Variants in NAV2 observed in about 807,000 individuals in gnomAD.
NAV2 encodes helicase, APC down-regulated 1.
A neutral mutation model predicts 223.2 loss-of-function variants in NAV2; 54 were observed. The ratio of observed to expected loss-of-function variants is 0.24; its 90% CI spans 0.19 to 0.30. The LOEUF (loss-of-function observed/expected upper bound fraction) is 0.30, where lower values mean the gene tolerates loss of function less well. Among genes scored for constraint, NAV2 ranks in the 10% least tolerant of loss-of-function variants. The pLI is 1.00. For missense variants in NAV2, 2,806 were observed against 3,147.5 expected (o/e 0.89, Z 2.60); for synonymous variants, 1,279 against 1,239.3 (o/e 1.03, Z -0.67).
At chr11:20,002,435 G>A (rs564140399) in intron 11 of NAV2, among the ~76,000 whole-genome samples, 1 of 152,250 alleles carries the variant, frequency 6.6e-6, no homozygotes, top group East Asian at 1.9e-4. Flanking sequence ...GCGCAGTCAG[G>A]GAGATGTCAG....
intron 1 of NAV2, among the ~76,000 whole-genome samples, chr11:19,647,314 A>T (rs1046468402): frequency 6.6e-6 from 1 of 152,164 alleles, no homozygotes; most frequent in African/African-American, 2.4e-5. Flanking sequence ...ACTGTGGAGT[A>T]GTCCTCAGAT....
At chr11:19,727,390 G>C (rs533848047) in intron 1 of NAV2, among the ~76,000 whole-genome samples, 3 of 152,324 alleles carry the variant, frequency 2.0e-5, no homozygotes, top group Admixed American at 2.0e-4. Flanking sequence ...GTCCTTTGCT[G>C]TTTGGAAATC....
intron 1 of NAV2, among the ~76,000 whole-genome samples, chr11:19,398,851 A>C (rs1446489515): frequency 6.6e-6 from 1 of 152,136 alleles, no homozygotes; most frequent in African/African-American, 2.4e-5. Context: ...TGGGTGCACA[A>C]CATTTTTGGA....
At chr11:19,400,260 A>C (rs11025119) in intron 1 of NAV2, among the ~76,000 whole-genome samples, 2 of 152,054 alleles carry the variant, frequency 1.3e-5, no homozygotes, top group Non-Finnish European at 2.9e-5. Flanking sequence ...CACAAGGAAG[A>C]GGAAGATACA....
intron 1 of NAV2, among the ~76,000 whole-genome samples, chr11:19,488,306 G>C (rs2095092312): frequency 6.6e-6 from 1 of 152,198 alleles, no homozygotes; most frequent in African/African-American, 2.4e-5. Flanking sequence ...GTTATAACTA[G>C]CTTTATTAGT....
In NAV2 at chr11:19,631,665, T is replaced by A. The variant is rs550400611; in HGVS notation, c.76-200819T>A. ...TCAGTGTTTTAAGGAGAGACTTGCA[T>A]TCAAAGCTGATGAAAGCAAACCCCC... On this transcript the variant is annotated intron_variant, in intron 1 of 37. Coordinates refer to the NAV2 transcript ENST00000360655. Among the ~76,000 whole-genome samples the A allele has an allele frequency of 1.6e-4, 24 of 152,328 alleles. No individual in the cohort carries two copies. The South Asian group carries it at 1.7e-3, about 11-fold the overall frequency.
At position 20,044,099 on chromosome 11, in the gene NAV2, G is replaced by T. The variant is rs774483029; in HGVS notation, c.3026G>T (p.Arg1009Met). 3.1e-6 allele frequency: 5 copies of T among 1,614,104 alleles called. No homozygotes were observed. The South Asian group carries it at 5.5e-5, about 18-fold the overall frequency. The change falls in exon 13 of 38, where the codon AGG (arginine) becomes ATG (methionine). Residue 1009 changes from arginine to methionine, a missense_variant. Coordinates refer to ENST00000349880, the MANE Select transcript of NAV2 (RefSeq NM_145117.5). The stretch of plus-strand genomic sequence containing the variant: ...AAAATGGAGCCAGGTTCCAAGTGGA[G>T]GCGGAATCCTTCTGATGTGTCTGAC... ...GIKMEPGSKW[R>M]RNPSDVSDES...
chr11:19,828,455 T>C (rs111951204), intron 1 of NAV2, among the ~76,000 whole-genome samples: 4,544 of 152,178 alleles, frequency 0.03, 97 homozygotes, highest in African/African-American at 0.1. Flanking sequence ...TCCTTTTGTA[T>C]CTGGCTTATT....
intron 1 of NAV2, among the ~76,000 whole-genome samples, chr11:19,639,422 T>C (rs1323224384): frequency 1.3e-5 from 2 of 152,248 alleles, no homozygotes; most frequent in Non-Finnish European, 2.9e-5. Flanking sequence ...TAACTATTTT[T>C]AAGTTCCCAA....
At chr11:20,048,375 G>T (rs189389306) in intron 14 of NAV2, among the ~76,000 whole-genome samples, 197 of 152,238 alleles carry the variant, frequency 1.3e-3, no homozygotes, top group Middle Eastern at 0.01. Context: ...CATCTTCCTG[G>T]GCCAGGGCAG....
chr11:19,361,164 G>A (rs1306602121), intron 1 of NAV2, among the ~76,000 whole-genome samples: 1 of 149,574 alleles, frequency 6.7e-6, no homozygotes, highest in African/African-American at 2.4e-5. Flanking sequence ...GATAAAATGA[G>A]TAAAGTACTT....
intron 25 of NAV2, chr11:20,082,470 T>C: frequency 1.1e-6 from 1 of 892,296 alleles, no homozygotes; most frequent in East Asian, 2.4e-5. Context: ...CTGTGTGTGG[T>C]GTTTATTATT....
At chr11:19,946,057 A>G (rs1209774119) in intron 8 of NAV2, among the ~76,000 whole-genome samples, 1 of 152,244 alleles carries the variant, frequency 6.6e-6, no homozygotes, top group Non-Finnish European at 1.5e-5. Context: ...TTGCATGGGT[A>G]GAAAATGACT....
At chr11:20,003,529 C>G (rs1160362042) in intron 11 of NAV2, among the ~76,000 whole-genome samples, 1 of 152,138 alleles carries the variant, frequency 6.6e-6, no homozygotes, top group African/African-American at 2.4e-5. Flanking sequence ...GTAAATGACT[C>G]AGCGTGCCAG....
chr11:20,007,650 G>A (rs563656306), intron 11 of NAV2, among the ~76,000 whole-genome samples: 2 of 152,360 alleles, frequency 1.3e-5, no homozygotes, highest in East Asian at 3.9e-4. Flanking sequence ...GGGGACAAAA[G>A]CCAGCCCTTG....
rs533629223 is a variant in NAV2, at chr11:19,606,208, C to A, written c.76-226276C>A. ...CCTTTGTTTGGCTGTGAAGACTCTG[C>A]AAAGCCTGAGCCTACTTACTGGTTT... On this transcript the variant is annotated intron_variant, in intron 1 of 37. Transcript: ENST00000360655. 2.5e-4 allele frequency among the ~76,000 whole-genome samples: 38 copies of A among 152,324 alleles called. No individual in the cohort carries two copies. In the South Asian group the frequency reaches 7.9e-3, roughly 32 times the overall value.
Position 20,103,250 on chromosome 11 carries a change from C to T in NAV2, c.6418-5C>T. 2 of 1,610,142 alleles carry T rather than the reference C, an allele frequency of 1.2e-6. No homozygotes were observed. Among genetic ancestry groups the T allele is most frequent in the Non-Finnish European group, 1.7e-6 (2 of 1,177,768 alleles). The stretch of plus-strand genomic sequence containing the variant: ...GTTCTCCTTCGGCCTTCCTGGCCAC[C>T]ATAGGAATTGCGCCAGTACCTGTCC... On this transcript the variant is annotated splice_region_variant and splice_polypyrimidine_tract_variant and intron_variant, in intron 32 of 37. Coordinates refer to ENST00000349880, the MANE Select transcript of NAV2 (RefSeq NM_145117.5).
At chr11:19,469,596 C>T (rs1025283813) in intron 1 of NAV2, among the ~76,000 whole-genome samples, 3 of 152,318 alleles carry the variant, frequency 2.0e-5, no homozygotes, top group East Asian at 3.9e-4. Context: ...TCTCTCACCT[C>T]GCTTTCCCAG....
chr11:19,931,466 G>A (rs931676245), intron 6 of NAV2, among the ~76,000 whole-genome samples: 4 of 152,168 alleles, frequency 2.6e-5, no homozygotes, highest in Non-Finnish European at 4.4e-5. Context: ...GAGCTCTCAC[G>A]GCACGGTGCT....
Sources: gnomAD v4.1 joint callset for allele counts (sites outside exome capture counted in the v4.1 genomes callset) on GRCh38, gnomAD v4.1.1 for gene constraint, MANE v1.5 for transcripts, NCBI Gene and HGNC (gene_info 2026-07-23, HGNC 2026-07-21) for gene names.